SPAG16: variants seen among roughly 807,000 people sequenced by gnomAD.
SPAG16 encodes the protein sperm associated antigen 16.
Under a neutral mutation model 80.4 loss-of-function variants are expected in SPAG16, and 86 were observed. The observed-to-expected ratio is 1.07, with a 90% confidence interval of 0.90 to 1.28. SPAG16 has a LOEUF of 1.28. Ranked by LOEUF, SPAG16 falls within the 50% of genes most tolerant of loss-of-function variation. The pLI, the probability that SPAG16 is intolerant of heterozygous loss-of-function variation, is 0.00. For synonymous variants in SPAG16, 294 were observed against 265.9 expected (o/e 1.11, Z -1.03); for missense variants, 870 against 765.3 (o/e 1.14, Z -1.61).
chr2:213,377,897 ATATATATTTTTT>A (rs1352949641), intron 9 of SPAG16, among the ~76,000 whole-genome samples: 3,872 of 89,130 alleles, frequency 0.043, 107 homozygotes, highest in African/African-American at 0.13. Flanking sequence ...ATATATATAT[ATATATATTTTTT>A]TTTTTTTTTC....
chr2:213,747,490 C>T (rs2067879822), intron 10 of SPAG16, among the ~76,000 whole-genome samples: 1 of 152,184 alleles, frequency 6.6e-6, no homozygotes, highest in Non-Finnish European at 1.5e-5. Context: ...AATTGCAGTC[C>T]TGTAGGCACC....
chr2:213,786,686 G>T (rs962129276), intron 10 of SPAG16, among the ~76,000 whole-genome samples: 2 of 152,070 alleles, frequency 1.3e-5, no homozygotes, highest in African/African-American at 4.8e-5. Context: ...AAAGCTCTAT[G>T]AATAATAGTT....
chr2:213,690,856 G>T (rs988061894), intron 10 of SPAG16, among the ~76,000 whole-genome samples: 1 of 152,146 alleles, frequency 6.6e-6, no homozygotes, highest in Admixed American at 6.5e-5. Flanking sequence ...CAGACTGAGG[G>T]CTGCACTGTT....
intron 10 of SPAG16, among the ~76,000 whole-genome samples, chr2:213,717,540 C>G (rs1208557571): frequency 2.0e-5 from 3 of 151,804 alleles, no homozygotes; most frequent in Admixed American, 2.0e-4. Context: ...CTCAGAACGT[C>G]CGGAGACTTA....
chr2:213,860,423 G>GTA (rs1288221934), intron 10 of SPAG16, among the ~76,000 whole-genome samples: 1 of 58,774 alleles, frequency 1.7e-5, no homozygotes, highest in African/African-American at 4.3e-5. Context: ...ATATATGTGT[G>GTA]TATATCTATA....
chr2:214,313,589 A>G (rs1045398779), intron 15 of SPAG16, among the ~76,000 whole-genome samples: 2 of 152,132 alleles, frequency 1.3e-5, no homozygotes, highest in African/African-American at 4.8e-5. Context: ...ATCTAGTTTG[A>G]AAAGTTTTTA....
chr2:213,800,480 C>T (rs1435034278), intron 10 of SPAG16, among the ~76,000 whole-genome samples: 6 of 152,002 alleles, frequency 3.9e-5, no homozygotes, highest in Non-Finnish European at 7.4e-5. Context: ...GATCCTCCCA[C>T]CTTAGCCTCC....
intron 15 of SPAG16, among the ~76,000 whole-genome samples, chr2:214,225,359 G>A (rs759579394): frequency 1.2e-4 from 18 of 152,270 alleles, no homozygotes; most frequent in Admixed American, 4.6e-4. Flanking sequence ...AATCTAGATT[G>A]TGGAGAATGA....
chr2:213,531,359 A>AGTGTGTGTGTGTGTGTGTGT (rs56011234), intron 10 of SPAG16, among the ~76,000 whole-genome samples: 6 of 142,018 alleles, frequency 4.2e-5, no homozygotes, highest in Admixed American at 2.8e-4. Context: ...AAAAGATGTG[A>AGTGTGTGTGTGTGTGTGTGT]GTGTGTGTGT....
At chr2:213,407,984 G>GAGGAGAGAGGCAGAGAGAGAC (rs1382202628) in intron 9 of SPAG16, among the ~76,000 whole-genome samples, 3 of 135,986 alleles carry the variant, frequency 2.2e-5, no homozygotes, top group African/African-American at 2.7e-5. Flanking sequence ...AGGAGAGAGA[G>GAGGAGAGAGGCAGAGAGAGAC]AGGAGAGAGG....
At chr2:214,103,851 G>C (rs11695686) in intron 13 of SPAG16, among the ~76,000 whole-genome samples, 35,480 of 151,928 alleles carry the variant, frequency 0.23, 4,486 homozygotes, top group Middle Eastern at 0.28. Context: ...GAAGGAAAGG[G>C]GTTATGTACC....
At chr2:213,515,865 T>C (rs945758996) in intron 10 of SPAG16, among the ~76,000 whole-genome samples, 121 of 152,292 alleles carry the variant, frequency 7.9e-4, no homozygotes, top group African/African-American at 2.8e-3. Context: ...TGTTGCATTG[T>C]GTGTCTAGAC....
intron 10 of SPAG16, among the ~76,000 whole-genome samples, chr2:213,717,612 A>G (rs540206365): frequency 6.6e-6 from 1 of 152,252 alleles, no homozygotes; most frequent in East Asian, 1.9e-4. Context: ...TTTGAGCAGT[A>G]AAGATAAACA....
At chr2:214,042,431 C>T (rs1181155341) in intron 13 of SPAG16, among the ~76,000 whole-genome samples, 1 of 83,936 alleles carries the variant, frequency 1.2e-5, no homozygotes, top group African/African-American at 3.5e-5. Context: ...AAAACAAAAA[C>T]AAAACAACAA....
At chr2:214,165,470 T>A (rs957980514) in intron 15 of SPAG16, among the ~76,000 whole-genome samples, 1 of 7,778 alleles carries the variant, frequency 1.3e-4, no homozygotes, top group African/African-American at 2.2e-4. Flanking sequence ...ATCACCATCC[T>A]TTTTTTTTTT....
chr2:214,068,422 C>G (rs577757742), intron 13 of SPAG16, among the ~76,000 whole-genome samples: 1 of 152,142 alleles, frequency 6.6e-6, no homozygotes, highest in South Asian at 2.1e-4. Context: ...TCTAATAAAA[C>G]CCTAATTTGC....
chr2:214,354,497 C>A (rs1698643984), intron 15 of SPAG16, among the ~76,000 whole-genome samples: 1 of 151,990 alleles, frequency 6.6e-6, no homozygotes, highest in Admixed American at 6.6e-5. Flanking sequence ...TTTTTGGTTC[C>A]ATATGAACTT....
intron 3 of SPAG16, among the ~76,000 whole-genome samples, chr2:213,303,942 T>G (rs1019542009): frequency 3.3e-5 from 5 of 152,140 alleles, no homozygotes; most frequent in African/African-American, 1.2e-4. Context: ...ACTTTTAGTT[T>G]TTTTGGGGAA....
chr2:214,056,599 G>T (rs564307581), intron 13 of SPAG16, among the ~76,000 whole-genome samples: 1 of 152,150 alleles, frequency 6.6e-6, no homozygotes, highest in South Asian at 2.1e-4. Flanking sequence ...AGACAGTCTT[G>T]CCTTGATGTT....
Sources: gnomAD v4.1 joint callset for allele counts (sites outside exome capture counted in the v4.1 genomes callset) on GRCh38, gnomAD v4.1.1 for gene constraint, MANE v1.5 for transcripts, NCBI Gene and HGNC (gene_info 2026-07-23, HGNC 2026-07-21) for gene names.